PTPRD: variants seen among roughly 807,000 people sequenced by gnomAD.
PTPRD encodes the protein receptor-type tyrosine-protein phosphatase delta.
In PTPRD, 34 loss-of-function variants were observed where a neutral mutation model predicts 214.5. The ratio of observed to expected loss-of-function variants is 0.16; its 90% confidence interval spans 0.12 to 0.21. The LOEUF is 0.21. PTPRD is among the 10% of genes least tolerant of loss of function. PTPRD has a pLI of 1.00. For missense variants in PTPRD, 2,545 were observed against 2,398.7 expected (o/e 1.06, Z -1.27); for synonymous variants, 1,128 against 845.7 (o/e 1.33, Z -5.79).
intron 3 of PTPRD, among the ~76,000 whole-genome samples, chr9:10,207,206 T>C (rs2099487500): frequency 1.3e-5 from 2 of 152,260 alleles, no homozygotes; most frequent in South Asian, 4.1e-4. Context: ...CACATCTAAT[T>C]TTTCCCACTT....
At chr9:10,481,803 G>T (rs904807152) in intron 2 of PTPRD, among the ~76,000 whole-genome samples, 31 of 152,270 alleles carry the variant, frequency 2.0e-4, no homozygotes, top group Middle Eastern at 3.4e-3. Flanking sequence ...GTCGAAGTAA[G>T]GCAATGGGAA....
intron 2 of PTPRD, among the ~76,000 whole-genome samples, chr9:10,433,734 C>T (rs1042121613): frequency 1.3e-5 from 2 of 151,846 alleles, no homozygotes; most frequent in African/African-American, 4.8e-5. Context: ...AGAGTCTATG[C>T]TTAGGAGATG....
At chr9:8,365,769 C>G (rs1158375384) in intron 39 of PTPRD, among the ~76,000 whole-genome samples, 2 of 152,118 alleles carry the variant, frequency 1.3e-5, no homozygotes, top group African/African-American at 2.4e-5. Flanking sequence ...TGTAGCTTCC[C>G]CTTTGATGTC....
chr9:10,305,340 G>C (rs1423128662), intron 3 of PTPRD, among the ~76,000 whole-genome samples: 1 of 147,810 alleles, frequency 6.8e-6, no homozygotes, highest in African/African-American at 2.5e-5. Context: ...TCAGGACATA[G>C]GCATGGGCAA....
chr9:9,667,636 G>A lies in PTPRD; in HGVS notation c.-287+66897C>T, dbSNP rs148088923. ...GGTGATCTGAGTGCTGACAGTGATG[G>A]CCAACTCATCTAGAAACTAGACAAT... On this transcript the variant is annotated intron_variant, in intron 7 of 45. Coordinates refer to ENST00000381196, the MANE Select transcript of PTPRD (RefSeq NM_002839.4). 3.8e-3 allele frequency among the ~76,000 whole-genome samples: 571 copies of A among 152,224 alleles called. 4 individuals carry two copies. The highest frequency in any genetic ancestry group is 4.4e-3 in the Non-Finnish European group (296 of 67,998).
chr9:9,429,542 C>G (rs923805257), intron 8 of PTPRD, among the ~76,000 whole-genome samples: 4 of 152,176 alleles, frequency 2.6e-5, no homozygotes, highest in African/African-American at 4.8e-5. Flanking sequence ...TCCTCCCTTA[C>G]TCATTTTATG....
intron 10 of PTPRD, among the ~76,000 whole-genome samples, chr9:9,139,258 G>A (rs1462015222): frequency 1.3e-5 from 2 of 152,058 alleles, no homozygotes; most frequent in East Asian, 3.9e-4. Flanking sequence ...GACTTAAAGT[G>A]GAACAACATA....
At chr9:9,574,900 A>T (rs1380044834) in intron 7 of PTPRD, 119 bp from the exon 8 acceptor site, 1 of 152,162 alleles carries the variant, frequency 6.6e-6, no homozygotes, top group East Asian at 1.9e-4. Context: ...ATTAGTGTAC[A>T]TATCACTTGA....
intron 4 of PTPRD, among the ~76,000 whole-genome samples, chr9:9,981,264 G>A (rs947128531): frequency 2.0e-5 from 3 of 151,742 alleles, no homozygotes; most frequent in Non-Finnish European, 4.4e-5. Flanking sequence ...AGTTTCAAAC[G>A]CAGTTTTAAC....
At chr9:8,917,363 C>A (rs577380800) in intron 11 of PTPRD, among the ~76,000 whole-genome samples, 1 of 151,424 alleles carries the variant, frequency 6.6e-6, no homozygotes, top group African/African-American at 2.4e-5. Context: ...GTCTCCAACT[C>A]CTGACCTCTG....
chr9:9,907,351 G>C (rs2077874763), intron 5 of PTPRD, among the ~76,000 whole-genome samples: 1 of 151,774 alleles, frequency 6.6e-6, no homozygotes, highest in Non-Finnish European at 1.5e-5. Context: ...CCACAGACTG[G>C]GTGGCTGAAG....
chr9:8,897,681 C>A (rs2098631306), intron 11 of PTPRD, among the ~76,000 whole-genome samples: 1 of 152,160 alleles, frequency 6.6e-6, no homozygotes, highest in Non-Finnish European at 1.5e-5. Context: ...GATGGAAAGA[C>A]CTGGCCAGAA....
chr9:8,660,581 G>A (rs2097021362), intron 12 of PTPRD, among the ~76,000 whole-genome samples: 1 of 152,082 alleles, frequency 6.6e-6, no homozygotes, highest in South Asian at 2.1e-4. Flanking sequence ...CTGGCTCCCA[G>A]CCCCTCAGTG....
chr9:9,532,049 T>G (rs570434056), intron 8 of PTPRD, among the ~76,000 whole-genome samples: 2 of 152,170 alleles, frequency 1.3e-5, no homozygotes, highest in Non-Finnish European at 2.9e-5. Context: ...GATTCCATAT[T>G]AAATGGTAAA....
chr9:9,684,162 G>T (rs1253805188), intron 7 of PTPRD, among the ~76,000 whole-genome samples: 1 of 151,126 alleles, frequency 6.6e-6, no homozygotes, highest in Non-Finnish European at 1.5e-5. Flanking sequence ...AGACATGCTT[G>T]GTTAAAAAAA....
At chr9:9,181,111 G>A (rs2099927947) in intron 10 of PTPRD, among the ~76,000 whole-genome samples, 1 of 151,860 alleles carries the variant, frequency 6.6e-6, no homozygotes. Flanking sequence ...TGCCTCCTTG[G>A]CCATCAGTTT....
intron 21 of PTPRD, 84 bp downstream of exon 21, chr9:8,517,764 T>C: frequency 8.5e-7 from 1 of 1,174,120 alleles, no homozygotes; most frequent in Admixed American, 2.3e-5. Flanking sequence ...CATACCATCT[T>C]TGTTCCTTCT....
At chr9:9,901,080 T>A (rs57299635) in intron 5 of PTPRD, among the ~76,000 whole-genome samples, 4,932 of 152,218 alleles carry the variant, frequency 0.032, 284 homozygotes, top group African/African-American at 0.11. Flanking sequence ...TTCTGGAAAG[T>A]CTTCAGAAAG....
At chr9:10,572,736 G>A (rs1355229549) in intron 2 of PTPRD, among the ~76,000 whole-genome samples, 1 of 152,070 alleles carries the variant, frequency 6.6e-6, no homozygotes, top group African/African-American at 2.4e-5. Flanking sequence ...TCAAGTAAAT[G>A]TATTGACTCC....
Sources: gnomAD v4.1 joint callset for allele counts (sites outside exome capture counted in the v4.1 genomes callset) on GRCh38, gnomAD v4.1.1 for gene constraint, MANE v1.5 for transcripts, NCBI Gene and HGNC (gene_info 2026-07-23, HGNC 2026-07-21) for gene names.